Variants in GRIK1 observed in about 807,000 individuals in gnomAD.
GRIK1 encodes glutamate receptor ionotropic, kainate 1.
A neutral mutation model predicts 105.7 loss-of-function variants in GRIK1; 69 were observed. That is an observed-to-expected ratio of 0.65 (90% CI 0.54 to 0.80). The LOEUF is 0.80. Among genes scored for constraint, GRIK1 ranks in the 30% least tolerant of loss-of-function variants. GRIK1 has a pLI of 0.00. For synonymous variants in GRIK1, 438 were observed against 431.3 expected (o/e 1.02, Z -0.19); for missense variants, 1,109 against 1,167.3 (o/e 0.95, Z 0.73).
intron 6 of GRIK1, among the ~76,000 whole-genome samples, chr21:29,646,365 A>G (rs1312719145): frequency 6.6e-6 from 1 of 152,176 alleles, no homozygotes; most frequent in African/African-American, 2.4e-5. Context: ...ATGCAACTCT[A>G]TTGGGAGAGG....
intron 1 of GRIK1, among the ~76,000 whole-genome samples, chr21:29,911,492 A>C (rs1455963215): frequency 3.3e-5 from 5 of 152,076 alleles, no homozygotes; most frequent in Non-Finnish European, 5.9e-5. Context: ...AATTGAGGAA[A>C]TCTGAGTAAA....
intron 3 of GRIK1, among the ~76,000 whole-genome samples, chr21:29,681,281 C>T (rs916800434): frequency 1.3e-5 from 2 of 152,210 alleles, no homozygotes; most frequent in African/African-American, 2.4e-5. Context: ...TATCCACCCT[C>T]TGCTCAAAAC....
chr21:29,884,695 T>C (rs1213437176), intron 1 of GRIK1, among the ~76,000 whole-genome samples: 1 of 152,086 alleles, frequency 6.6e-6, no homozygotes, highest in Non-Finnish European at 1.5e-5. Context: ...TGCTACATGC[T>C]TTACTTAAAG....
At chr21:29,819,282 CA>C (rs2067235459) in intron 1 of GRIK1, among the ~76,000 whole-genome samples, 1 of 152,102 alleles carries the variant, frequency 6.6e-6, no homozygotes, top group South Asian at 2.1e-4. Flanking sequence ...GAAGCTCTCA[CA>C]CACTGCAGTT....
intron 1 of GRIK1, among the ~76,000 whole-genome samples, chr21:29,794,101 G>A (rs1189360887): frequency 2.6e-5 from 4 of 152,042 alleles, no homozygotes; most frequent in Non-Finnish European, 4.4e-5. Context: ...ACTTCAAAAA[G>A]TGACCCCGAT....
intron 1 of GRIK1, among the ~76,000 whole-genome samples, chr21:29,906,912 G>C (rs1350225027): frequency 6.6e-6 from 1 of 151,812 alleles, no homozygotes; most frequent in African/African-American, 2.4e-5. Flanking sequence ...ACTATATGGT[G>C]CTTATTGCAT....
intron 1 of GRIK1, among the ~76,000 whole-genome samples, chr21:29,889,615 C>T (rs1170968960): frequency 6.6e-6 from 1 of 151,874 alleles, no homozygotes; most frequent in Non-Finnish European, 1.5e-5. Context: ...TTTATTCATC[C>T]TACAAAATCT....
chr21:29,562,684 C>G (rs1329095922), intron 14 of GRIK1, among the ~76,000 whole-genome samples: 1 of 151,874 alleles, frequency 6.6e-6, no homozygotes, highest in Non-Finnish European at 1.5e-5. Context: ...AATCTTCATA[C>G]TGTATTTATA....
At chr21:29,570,918 T>C (rs1373070582) in intron 14 of GRIK1, among the ~76,000 whole-genome samples, 2 of 149,756 alleles carry the variant, frequency 1.3e-5, no homozygotes, top group African/African-American at 4.9e-5. Context: ...ATATGTGGAA[T>C]TGAATTTATG....
intron 7 of GRIK1, among the ~76,000 whole-genome samples, chr21:29,624,164 A>G (rs1033323257): frequency 3.3e-5 from 5 of 152,184 alleles, no homozygotes; most frequent in Non-Finnish European, 7.4e-5. Context: ...CCTCTAAAAT[A>G]TTTGGCAGTG....
chr21:29,719,443 G>T (rs890041435), intron 1 of GRIK1, among the ~76,000 whole-genome samples: 2 of 152,046 alleles, frequency 1.3e-5, no homozygotes, highest in Non-Finnish European at 2.9e-5. Context: ...AGCAGAGCTT[G>T]TTCCTTTATC....
chr21:29,690,013 G>A, intron 2 of GRIK1, 28 bp from the exon 3 acceptor site: 1 of 1,565,690 alleles, frequency 6.4e-7, no homozygotes, highest in Non-Finnish European at 8.8e-7. Flanking sequence ...GGAGAGGATG[G>A]GGAGGGAGGG....
chr21:29,545,332 C>T (rs2090034004), intron 16 of GRIK1, among the ~76,000 whole-genome samples: 1 of 152,208 alleles, frequency 6.6e-6, no homozygotes, highest in South Asian at 2.1e-4. Flanking sequence ...CAGTGCCTTT[C>T]TCCTCTTCAG....
At chr21:29,787,022 C>T (rs757349955) in intron 1 of GRIK1, among the ~76,000 whole-genome samples, 6 of 152,146 alleles carry the variant, frequency 3.9e-5, no homozygotes, top group Admixed American at 1.3e-4. Flanking sequence ...GTTTCTTCCT[C>T]TTTAATGAAT....
At chr21:29,853,309 TTTG>T (rs985930845) in intron 1 of GRIK1, among the ~76,000 whole-genome samples, 1 of 152,198 alleles carries the variant, frequency 6.6e-6, no homozygotes, top group Non-Finnish European at 1.5e-5. Flanking sequence ...GTTCTGATTT[TTTG>T]TTGTTGTTGA....
At chr21:29,566,893 C>CTT (rs61538821) in intron 14 of GRIK1, among the ~76,000 whole-genome samples, 23,653 of 152,088 alleles carry the variant, frequency 0.16, 2,811 homozygotes, top group African/African-American at 0.34. Flanking sequence ...TGAACTATCT[C>CTT]TTAATACACA....
chr21:29,580,358 C>A (rs1004984189), intron 13 of GRIK1, among the ~76,000 whole-genome samples: 1 of 151,938 alleles, frequency 6.6e-6, no homozygotes, highest in East Asian at 1.9e-4. Context: ...CAAATTACTT[C>A]TAGTAAATCA....
chr21:29,731,139 A>G (rs2064615794), intron 1 of GRIK1, among the ~76,000 whole-genome samples: 1 of 152,224 alleles, frequency 6.6e-6, no homozygotes, highest in Non-Finnish European at 1.5e-5. Flanking sequence ...CTTTCACAAA[A>G]TTGCCCTTGT....
rs2064757049 is a variant in GRIK1, at chr21:29,735,124, A to C, written c.119-41061T>G. Among the ~76,000 whole-genome samples the C allele has an allele frequency of 2.0e-5, 3 of 152,326 alleles. No homozygotes were observed. The South Asian group carries it at 6.2e-4, about 32-fold the overall frequency. On this transcript the variant is annotated intron_variant, in intron 1 of 17. Coordinates refer to ENST00000327783, the MANE Select transcript of GRIK1 (RefSeq NM_001330994.2). ...CATGTTAATTTTCCATCTCCCCAAC[A>C]AGAACATAGATTTCATGAAAGAAAG...
Sources: allele counts gnomAD v4.1 joint callset (sites outside exome capture counted in the v4.1 genomes callset), GRCh38; gene constraint gnomAD v4.1.1; transcripts MANE v1.5; gene names NCBI Gene and HGNC (gene_info 2026-07-23, HGNC 2026-07-21).